RBMS3: variants seen among roughly 807,000 people sequenced by gnomAD.
RBMS3 encodes the protein RNA-binding motif, single-stranded-interacting protein 3.
RBMS3 carries 27 observed loss-of-function variants against 66.8 expected under a neutral mutation model. The ratio of observed to expected loss-of-function variants is 0.40; its 90% confidence interval spans 0.30 to 0.56. The LOEUF (loss-of-function observed/expected upper bound fraction) is 0.56. RBMS3 is among the 20% of genes least tolerant of loss of function. The probability of loss-of-function intolerance (pLI) is 0.40; values close to 1 mark genes in which losing one functional copy is unlikely to be tolerated. For synonymous variants in RBMS3, 188 were observed against 183.0 expected (o/e 1.03, Z -0.22); for missense variants, 513 against 549.5 (o/e 0.93, Z 0.66).
chr3:29,557,649 G>C (rs1224903263), intron 3 of RBMS3, among the ~76,000 whole-genome samples: 2 of 152,184 alleles, frequency 1.3e-5, no homozygotes, highest in East Asian at 1.9e-4. Context: ...CTGCAGTTCA[G>C]CTACAAATCT....
chr3:29,619,845 C>T (rs2048806389), intron 4 of RBMS3, among the ~76,000 whole-genome samples: 2 of 151,580 alleles, frequency 1.3e-5, no homozygotes, highest in East Asian at 1.9e-4. Flanking sequence ...ATTAAGTTGT[C>T]GAGTCTGGCA....
Position 29,524,415 on chromosome 3 carries a change from ATTTTTTTT to A in RBMS3, c.307+35938_307+35945del, listed in dbSNP as rs1222102515. On this transcript the variant is annotated intron_variant, in intron 3 of 14. Coordinates refer to ENST00000383767, the MANE Select transcript of RBMS3 (RefSeq NM_001003793.3). ...GGAAGATATGAGTGACTCCCTTTAC[ATTTTTTTT>A]TTTTTTTTTTTTTTTTTTTTTGGAG... is the stretch of plus-strand genomic sequence containing the variant. Among the ~76,000 whole-genome samples the A allele has an allele frequency of 1.9e-4, 11 of 57,108 alleles. No homozygotes were observed. In the South Asian group the frequency reaches 8.3e-3, roughly 43 times the overall value. The allele number at this position is 57,108 out of a possible 152,430, so 37.5% of individuals were successfully genotyped here.
chr3:29,706,185 T>A (rs909344323), intron 4 of RBMS3, among the ~76,000 whole-genome samples: 1 of 152,226 alleles, frequency 6.6e-6, no homozygotes, highest in Admixed American at 6.5e-5. Context: ...ATCTGCCATT[T>A]ACCTACCTTT....
intron 5 of RBMS3, among the ~76,000 whole-genome samples, chr3:29,751,592 A>G (rs1576696700): frequency 6.6e-6 from 1 of 152,230 alleles, no homozygotes; most frequent in African/African-American, 2.4e-5. Context: ...CCACTACCTA[A>G]GCAAAAATTC....
At chr3:29,627,194 C>T (rs1411245797) in intron 4 of RBMS3, among the ~76,000 whole-genome samples, 2 of 152,104 alleles carry the variant, frequency 1.3e-5, no homozygotes, top group African/African-American at 2.4e-5. Context: ...AAAGTGCTGA[C>T]AAGGACATCT....
intron 6 of RBMS3, among the ~76,000 whole-genome samples, chr3:29,802,093 AG>A (rs1371868275): frequency 1.3e-5 from 2 of 152,136 alleles, no homozygotes; most frequent in African/African-American, 4.8e-5. Flanking sequence ...AGTCCTGGAA[AG>A]TTTGCTTATT....
At chr3:29,928,237 T>C (rs6766714) in intron 10 of RBMS3, among the ~76,000 whole-genome samples, 66,099 of 129,396 alleles carry the variant, frequency 0.51, 18,108 homozygotes, top group Non-Finnish European at 0.64. Flanking sequence ...CACACACACA[T>C]ATATATGTAT....
chr3:29,624,390 A>G (rs2048981981), intron 4 of RBMS3, among the ~76,000 whole-genome samples: 1 of 152,182 alleles, frequency 6.6e-6, no homozygotes, highest in African/African-American at 2.4e-5. Context: ...TGTGAGAATG[A>G]AAGTTAAAGG....
intron 3 of RBMS3, among the ~76,000 whole-genome samples, chr3:29,500,872 G>C (rs993951166): frequency 2.0e-5 from 3 of 150,528 alleles, no homozygotes; most frequent in Non-Finnish European, 3.0e-5. Flanking sequence ...GTATCACAGG[G>C]ACAAAACATT....
chr3:29,483,865 G>GTAT, intron 2 of RBMS3, among the ~76,000 whole-genome samples: 1 of 152,144 alleles, frequency 6.6e-6, no homozygotes, highest in Non-Finnish European at 1.5e-5. Flanking sequence ...TCTTTGTAAG[G>GTAT]TATTAGCCCG....
rs373585988 is a variant in RBMS3, at chr3:29,474,019, G to A, written c.249-14422G>A. On this transcript the variant is annotated intron_variant, in intron 2 of 14. Transcript: ENST00000383767. ...TGGGAGTCCAGGCAGAGGAGAGGCC[G>A]AGAGCGAGCAAGGGCTGCGAGGGCT... Among the ~76,000 whole-genome samples, 153 of 152,348 alleles carry A rather than the reference G, an allele frequency of 1.0e-3. 2 individuals carry two copies. The highest frequency in any genetic ancestry group is 6.8e-3 in the Middle Eastern group (2 of 294).
intron 4 of RBMS3, among the ~76,000 whole-genome samples, chr3:29,610,982 G>T (rs1180994047): frequency 6.6e-6 from 1 of 151,830 alleles, no homozygotes; most frequent in African/African-American, 2.4e-5. Context: ...TCAAGTCTTT[G>T]GTGCAGACAT....
intron 5 of RBMS3, among the ~76,000 whole-genome samples, chr3:29,760,201 AT>A (rs1356941688): frequency 6.6e-6 from 1 of 151,066 alleles, no homozygotes; most frequent in Non-Finnish European, 1.5e-5. Flanking sequence ...TAGCCACTTG[AT>A]TTTCTTTTTT....
chr3:29,919,750 T>A (rs759718805), intron 10 of RBMS3, among the ~76,000 whole-genome samples: 3 of 152,216 alleles, frequency 2.0e-5, no homozygotes, highest in Non-Finnish European at 4.4e-5. Context: ...TCCATTTCCC[T>A]GTAAAATTAT....
At chr3:29,357,734 C>T (rs527310782) in intron 1 of RBMS3, among the ~76,000 whole-genome samples, 1 of 152,198 alleles carries the variant, frequency 6.6e-6, no homozygotes, top group African/African-American at 2.4e-5. Flanking sequence ...TTTTAATGAT[C>T]ACCATTCTAA....
At chr3:29,651,971 A>G (rs1435164425) in intron 4 of RBMS3, among the ~76,000 whole-genome samples, 3 of 152,132 alleles carry the variant, frequency 2.0e-5, no homozygotes, top group Admixed American at 1.3e-4. Context: ...TCAACTTAAA[A>G]CTTAACTGTA....
intron 4 of RBMS3, among the ~76,000 whole-genome samples, chr3:29,656,718 G>A (rs567088541): frequency 6.6e-6 from 1 of 152,250 alleles, no homozygotes; most frequent in East Asian, 1.9e-4. Flanking sequence ...AGGTGTATGT[G>A]ACCTGTCTAC....
In RBMS3 at chr3:29,664,338, A is replaced by G. The variant is rs141768806; in HGVS notation, c.400-75382A>G. ...CCCTATCTCTACTAAAAATACAAAAATTAGCTGGGTGTGGTGGTGTGCGCC... is the reference window on the plus strand; with the variant it reads ...CCCTATCTCTACTAAAAATACAAAAGTTAGCTGGGTGTGGTGGTGTGCGCC... On this transcript the variant is annotated intron_variant, in intron 4 of 14. Transcript: ENST00000383767. Among the ~76,000 whole-genome samples the G allele has an allele frequency of 2.3e-3, 344 of 152,184 alleles. 2 individuals carry two copies. The highest frequency in any genetic ancestry group is 7.5e-3 in the African/African-American group (312 of 41,544).
At chr3:29,657,159 T>C (rs1263874871) in intron 4 of RBMS3, among the ~76,000 whole-genome samples, 1 of 152,192 alleles carries the variant, frequency 6.6e-6, no homozygotes, top group African/African-American at 2.4e-5. Flanking sequence ...AAAGGGGACC[T>C]GATTTTGGTC....
Sources: gnomAD v4.1 joint callset for allele counts (sites outside exome capture counted in the v4.1 genomes callset) on GRCh38, gnomAD v4.1.1 for gene constraint, MANE v1.5 for transcripts, NCBI Gene and HGNC (gene_info 2026-07-23, HGNC 2026-07-21) for gene names.